The following PXMP4 variants were observed in gnomAD, a reference collection of about 807,000 sequenced individuals.
PXMP4 encodes the protein peroxisomal membrane protein 4.
A neutral mutation model predicts 21.6 loss-of-function variants in PXMP4; 16 were observed. The observed-to-expected ratio is 0.74, with a 90% CI of 0.50 to 1.13. The LOEUF (loss-of-function observed/expected upper bound fraction) is 1.13, where lower values mean the gene tolerates loss of function less well. PXMP4 is among the 50% of genes most tolerant of loss of function. The pLI is 0.00. For missense variants in PXMP4, 240 were observed against 277.7 expected (o/e 0.86, Z 0.96); for synonymous variants, 127 against 123.8 (o/e 1.03, Z -0.17).
intron 1 of PXMP4, among the ~76,000 whole-genome samples, chr20:33,719,617 G>A (rs965654246): frequency 6.6e-6 from 1 of 152,144 alleles, no homozygotes; most frequent in African/African-American, 2.4e-5. Flanking sequence ...CCCCTGAGCC[G>A]AACGGGACTT....
At chr20:33,714,631 C>T (rs1481602961) in intron 2 of PXMP4, 43 bp downstream of exon 2, 2 of 1,586,902 alleles carry the variant, frequency 1.3e-6, no homozygotes, top group Admixed American at 3.3e-5. Context: ...TGTCCTGGCA[C>T]TGAGGGCTGA....
At chr20:33,718,021 C>G (rs2018402047) in intron 1 of PXMP4, among the ~76,000 whole-genome samples, 1 of 152,152 alleles carries the variant, frequency 6.6e-6, no homozygotes, top group Non-Finnish European at 1.5e-5. Context: ...TCTTACTCTT[C>G]TTTATTGGAC....
In PXMP4 at chr20:33,714,601, A is replaced by C; in HGVS notation, c.176+73T>G. 4 of 1,444,792 alleles carry C rather than the reference A, an allele frequency of 2.8e-6. No individual in the cohort carries two copies. In the South Asian group the frequency reaches 3.4e-5, roughly 12 times the overall value. 89.5% of individuals were successfully genotyped at this position (1,444,792 alleles called of 1,614,324 possible). On this transcript the variant is annotated intron_variant, in intron 2 of 3. Coordinates refer to ENST00000409299, the MANE Select transcript of PXMP4 (RefSeq NM_007238.5). ...CGTGATGGGGGGACAGGGTAGACCC[A>C]GCTAAGAAGCTATTACGACTGTCCT...
At chr20:33,715,178 T>C (rs1329979647) in intron 1 of PXMP4, among the ~76,000 whole-genome samples, 3 of 152,228 alleles carry the variant, frequency 2.0e-5, no homozygotes, top group Non-Finnish European at 4.4e-5. Context: ...TCTCACTCTG[T>C]CGCCCAGGCT....
At chr20:33,714,139 T>C (rs1601207093) in intron 2 of PXMP4, among the ~76,000 whole-genome samples, 1 of 151,792 alleles carries the variant, frequency 6.6e-6, no homozygotes, top group African/African-American at 2.4e-5. Flanking sequence ...ACAACGGGGG[T>C]CAGCTGAGGC....
chr20:33,718,632 A>G (rs531663289), intron 1 of PXMP4, among the ~76,000 whole-genome samples: 4 of 150,472 alleles, frequency 2.7e-5, no homozygotes, highest in Admixed American at 1.3e-4. Flanking sequence ...CTGACTCTTG[A>G]GTGTCCATGG....
At position 33,707,671 on chromosome 20, in the gene PXMP4, A is replaced by G; in HGVS notation, c.*35T>C. On this transcript the variant is annotated 3_prime_UTR_variant, in exon 4 of 4. Coordinates refer to ENST00000409299, the MANE Select transcript of PXMP4 (RefSeq NM_007238.5). The stretch of plus-strand genomic sequence containing the variant: ...CTTTGGGAGGGTCTGCATGGGGCCA[A>G]ATCTTGAGCCACAGCCAGACACCTC... 6.2e-7 allele frequency: 1 copy of G among 1,603,614 alleles called. No individual in the cohort carries two copies. Among genetic ancestry groups the G allele is most frequent in the Non-Finnish European group, 8.5e-7 (1 of 1,172,870 alleles).
At chr20:33,713,260 T>C (rs1480779540) in intron 2 of PXMP4, among the ~76,000 whole-genome samples, 3 of 152,128 alleles carry the variant, frequency 2.0e-5, no homozygotes, top group Non-Finnish European at 4.4e-5. Flanking sequence ...GCCCCTCTGC[T>C]CCAGCCTCCT....
chr20:33,720,139 G>T lies in PXMP4; in HGVS notation c.69C>A (p.Tyr23Ter). 1.9e-6 allele frequency: 3 copies of T among 1,613,686 alleles called. No individual in the cohort carries two copies. The highest frequency in any genetic ancestry group is 2.5e-6 in the Non-Finnish European group (3 of 1,179,928). The part of the protein sequence containing the change: ...VVNALLRKRR[Y>*]HAALAVLKGF... ...CCTTAAGCACGGCCAACGCAGCGTG[G>T]TAGCGGCGCTTGCGCAGCAGTGCGT... Residue 23 changes from tyrosine to a stop codon, truncating the protein, a stop_gained, in exon 1 of 4, where the codon TAC becomes TAA. Coordinates refer to ENST00000409299, the MANE Select transcript of PXMP4 (RefSeq NM_007238.5). LOFTEE classifies it high-confidence loss of function.
intron 2 of PXMP4, among the ~76,000 whole-genome samples, chr20:33,714,111 G>A (rs919243715): frequency 2.6e-5 from 4 of 152,382 alleles, no homozygotes; most frequent in East Asian, 1.9e-4. Flanking sequence ...TGTGTGCCAA[G>A]GGCACGCCAG....
chr20:33,708,092 A>T, intron 3 of PXMP4, 123 bp from the exon 4 acceptor site: 1 of 1,136,030 alleles, frequency 8.8e-7, no homozygotes, highest in Non-Finnish European at 1.2e-6. Context: ...GGGTTTATTT[A>T]TTTTAATTAT....
At chr20:33,715,515 T>A (rs2018373722) in intron 1 of PXMP4, among the ~76,000 whole-genome samples, 1 of 151,682 alleles carries the variant, frequency 6.6e-6, no homozygotes, top group Non-Finnish European at 1.5e-5. Flanking sequence ...AACCTCCACC[T>A]CCTGGGTTCA....
At position 33,707,458 on chromosome 20, in the gene PXMP4, C is replaced by G; in HGVS notation, c.*248G>C. The G allele has an allele frequency of 1.9e-6, 1 of 513,310 alleles. No homozygotes were observed. The highest frequency in any genetic ancestry group is 2.3e-5 in the South Asian group (1 of 43,882). The allele number at this position is 513,310 out of a possible 1,614,324, so 31.8% of individuals were successfully genotyped here. Reference sequence around the variant, plus strand: ...GGCCTAGAGAGTAGTGTGGCTGGCCCCAGTCTCACAGAAGTCAGCTGCACA... The same window carrying G: ...GGCCTAGAGAGTAGTGTGGCTGGCCGCAGTCTCACAGAAGTCAGCTGCACA... On this transcript the variant is annotated 3_prime_UTR_variant, in exon 4 of 4. Transcript: ENST00000409299.
intron 1 of PXMP4, among the ~76,000 whole-genome samples, chr20:33,717,448 G>A (rs942983995): frequency 2.0e-5 from 3 of 150,658 alleles, no homozygotes; most frequent in East Asian, 3.9e-4. Flanking sequence ...AGACCATCCC[G>A]GCTAAAACGG....
In PXMP4 at chr20:33,706,989, T is replaced by C. The variant is rs2747543; in HGVS notation, c.*717A>G. 0.54 allele frequency: 81,646 copies of C among 151,592 alleles called. 22,633 individuals are homozygous for C. Among genetic ancestry groups the C allele is most frequent in the East Asian group, 0.8 (4,115 of 5,140 alleles). 9.4% of individuals were successfully genotyped at this position (151,592 alleles called of 1,614,324 possible). On this transcript the variant is annotated 3_prime_UTR_variant, in exon 4 of 4. Transcript: ENST00000409299. ...TTTGCTCACTGTAGCCTCGACCTCA[T>C]AGGCTCAAGTGATCCTCCCACCTCA...
intron 2 of PXMP4, among the ~76,000 whole-genome samples, chr20:33,714,225 G>A (rs569452192): frequency 6.6e-6 from 1 of 152,266 alleles, no homozygotes; most frequent in South Asian, 2.1e-4. Flanking sequence ...TTCAAGCAGG[G>A]ATAATGGGAT....
chr20:33,718,189 G>T (rs1323908856), intron 1 of PXMP4, among the ~76,000 whole-genome samples: 1 of 151,972 alleles, frequency 6.6e-6, no homozygotes, highest in Non-Finnish European at 1.5e-5. Flanking sequence ...CTGCAGGCTT[G>T]TTTGAAAAAA....
chr20:33,719,889 T>C (rs2018428375), intron 1 of PXMP4, among the ~76,000 whole-genome samples: 1 of 151,918 alleles, frequency 6.6e-6, no homozygotes, highest in South Asian at 2.1e-4. Flanking sequence ...ACCCAGAAAA[T>C]GTGCAGTGGG....
chr20:33,702,819 G>A lies in PXMP4; in HGVS notation c.*4887C>T, dbSNP rs1033098086. 6.6e-6 allele frequency: 1 copy of A among 152,124 alleles called. No individual in the cohort carries two copies. Among genetic ancestry groups the A allele is most frequent in the African/African-American group, 2.4e-5 (1 of 41,408 alleles). 9.4% of individuals were successfully genotyped at this position (152,124 alleles called of 1,614,324 possible). The stretch of plus-strand genomic sequence containing the variant: ...CAAAAGAATTAACAGGATTGTAGCA[G>A]GTGTTTAGTAAGTAGAGGTTAAACC... On this transcript the variant is annotated 3_prime_UTR_variant, in exon 4 of 4. Transcript: ENST00000409299.
Sources: allele counts gnomAD v4.1 joint callset (sites outside exome capture counted in the v4.1 genomes callset), GRCh38; gene constraint gnomAD v4.1.1; transcripts MANE v1.5; gene names NCBI Gene and HGNC (gene_info 2026-07-23, HGNC 2026-07-21).